Variants in CHL1 observed in about 807,000 individuals in gnomAD.
CHL1 encodes the protein cell adhesion molecule L1 like.
A neutral mutation model predicts 141.9 loss-of-function variants in CHL1; 96 were observed. The observed-to-expected ratio is 0.68, with a 90% CI of 0.57 to 0.80. The LOEUF is 0.80. CHL1 is among the 30% of genes least tolerant of loss of function. CHL1 has a pLI of 0.00. For missense variants in CHL1, 1,820 were observed against 1,457.2 expected (o/e 1.25, Z -4.05); for synonymous variants, 613 against 502.2 (o/e 1.22, Z -2.95).
intron 22 of CHL1, 151 bp downstream of exon 22, chr3:391,310 G>A: frequency 1.5e-6 from 1 of 652,636 alleles, no homozygotes; most frequent in Non-Finnish European, 2.7e-6. Flanking sequence ...GAAGTCAGGA[G>A]TTCCAAACCA....
chr3:200,989 AG>A (rs1356910989), intron 1 of CHL1, among the ~76,000 whole-genome samples: 1 of 152,224 alleles, frequency 6.6e-6, no homozygotes, highest in Non-Finnish European at 1.5e-5. Flanking sequence ...AGCACCACGT[AG>A]AGAATAATGA....
intron 14 of CHL1, 110 bp from the exon 15 acceptor site, chr3:365,840 A>G (rs1363405670): frequency 1.4e-6 from 1 of 717,072 alleles, no homozygotes; most frequent in South Asian, 2.0e-5. Context: ...CAAACCCTGC[A>G]TGAGGATTGG....
At chr3:324,274 T>C (rs1351348412) in intron 3 of CHL1, among the ~76,000 whole-genome samples, 1 of 152,140 alleles carries the variant, frequency 6.6e-6, no homozygotes, top group Non-Finnish European at 1.5e-5. Flanking sequence ...AGTACTTATT[T>C]AAGTTAGGCT....
At chr3:229,709 A>G (rs1414948271) in intron 1 of CHL1, among the ~76,000 whole-genome samples, 3 of 151,172 alleles carry the variant, frequency 2.0e-5, no homozygotes, top group Admixed American at 2.0e-4. Flanking sequence ...TTGAGGTTTC[A>G]GTGGAATCTT....
At position 234,756 on chromosome 3, in the gene CHL1, G is replaced by C. The variant is rs901474812; in HGVS notation, c.-174-9857G>C. Among the ~76,000 whole-genome samples the C allele has an allele frequency of 5.9e-5, 9 of 152,056 alleles. No homozygotes were observed. In the South Asian group the frequency reaches 1.2e-3, roughly 21 times the overall value. Reference sequence around the variant, plus strand: ...TATGTTTAGACAAGTTCCTATTTTGGGGACACAGGGCTCCCCATTCATGGG... The same window carrying C: ...TATGTTTAGACAAGTTCCTATTTTGCGGACACAGGGCTCCCCATTCATGGG... On this transcript the variant is annotated intron_variant, in intron 1 of 27. Coordinates refer to ENST00000256509, the MANE Select transcript of CHL1 (RefSeq NM_006614.4).
At chr3:302,521 T>C (rs933457296) in intron 2 of CHL1, among the ~76,000 whole-genome samples, 1 of 152,262 alleles carries the variant, frequency 6.6e-6, no homozygotes, top group Non-Finnish European at 1.5e-5. Flanking sequence ...TTTTCATATG[T>C]CTGTTGGCTG....
At chr3:380,895 T>A (rs1381143133) in intron 16 of CHL1, among the ~76,000 whole-genome samples, 2 of 152,210 alleles carry the variant, frequency 1.3e-5, no homozygotes, top group Non-Finnish European at 2.9e-5. Flanking sequence ...TGAGGCACTG[T>A]GGGCAATGCA....
chr3:288,791 T>C lies in CHL1; in HGVS notation c.-94-30892T>C, dbSNP rs566342743. 4.0e-4 allele frequency among the ~76,000 whole-genome samples: 61 copies of C among 152,344 alleles called. 1 individual carries two copies. The highest frequency in any genetic ancestry group is 3.9e-3 in the Admixed American group (60 of 15,308). ...TAAATCAGTGGGACCAGTAACACCA[T>C]CTTTATATAGTGAAGACAGCTTATC... On this transcript the variant is annotated intron_variant, in intron 2 of 27. Transcript: ENST00000256509.
At chr3:270,336 A>G (rs1695531227) in intron 2 of CHL1, among the ~76,000 whole-genome samples, 1 of 152,210 alleles carries the variant, frequency 6.6e-6, no homozygotes, top group African/African-American at 2.4e-5. Flanking sequence ...AGAGAACTCT[A>G]TGAGGCTTCA....
chr3:242,363 G>C (rs55861970), intron 1 of CHL1, among the ~76,000 whole-genome samples: 2 of 143,968 alleles, frequency 1.4e-5, no homozygotes, highest in Admixed American at 7.1e-5. Flanking sequence ...TTGGGAGGCT[G>C]AGGGGGGCAG....
chr3:307,071 G>A (rs1185762083), intron 2 of CHL1, among the ~76,000 whole-genome samples: 1 of 152,212 alleles, frequency 6.6e-6, no homozygotes, highest in East Asian at 1.9e-4. Flanking sequence ...AAAGTTTACC[G>A]CAGATAATAG....
intron 12 of CHL1, among the ~76,000 whole-genome samples, chr3:360,767 G>C (rs1704167436): frequency 1.9e-5 from 2 of 105,376 alleles, no homozygotes; most frequent in South Asian, 6.2e-4. Flanking sequence ...ACAGTCCCCA[G>C]AGTGTGATGT....
rs114391479 is a variant in CHL1, at chr3:398,889, T to G, written c.3254-128T>G. On this transcript the variant is annotated intron_variant, in intron 25 of 27. Transcript: ENST00000256509. ...TAACATGTCCTTCAAATTGCATTCC[T>G]TCTGGGGTCATTAAAAAAACTGATA... is the stretch of plus-strand genomic sequence containing the variant. 7.9e-4 allele frequency: 619 copies of G among 781,636 alleles called. 2 individuals carry two copies. In the African/African-American group the frequency reaches 9.3e-3, roughly 12 times the overall value. 48.4% of individuals were successfully genotyped at this position (781,636 alleles called of 1,614,324 possible).
chr3:317,512 C>G (rs747211010), intron 2 of CHL1, among the ~76,000 whole-genome samples: 2 of 151,684 alleles, frequency 1.3e-5, no homozygotes, highest in Non-Finnish European at 2.9e-5. Context: ...AAAGGCAACT[C>G]ATAAAACACA....
At chr3:294,384 T>C (rs1282991403) in intron 2 of CHL1, among the ~76,000 whole-genome samples, 2 of 152,186 alleles carry the variant, frequency 1.3e-5, no homozygotes, top group African/African-American at 2.4e-5. Context: ...TCTGAGTTCA[T>C]TGAGTTAACG....
At chr3:403,900 T>C (rs1315966884) in intron 27 of CHL1, among the ~76,000 whole-genome samples, 3 of 152,206 alleles carry the variant, frequency 2.0e-5, no homozygotes, top group Non-Finnish European at 2.9e-5. Flanking sequence ...GTTATTTTTC[T>C]TTATTCTTTG....
In CHL1 at chr3:409,272, A is replaced by G. The variant is rs1575326033; in HGVS notation, c.*3561A>G. ...TACCTTTTTCTTTTGGCTTGGATTA[A>G]TATTCATAGTAGAACTTTATAAAAC... is the stretch of plus-strand genomic sequence containing the variant. On this transcript the variant is annotated 3_prime_UTR_variant, in exon 28 of 28. Transcript: ENST00000256509. The G allele has an allele frequency of 6.6e-6, 1 of 152,102 alleles. No individual in the cohort carries two copies. The highest frequency in any genetic ancestry group is 1.9e-4 in the East Asian group (1 of 5,182). 9.4% of individuals were successfully genotyped at this position (152,102 alleles called of 1,614,324 possible). A position where few individuals can be genotyped will look rare whatever the true frequency, so the allele number is the denominator to read the frequency against.
At chr3:282,987 C>T (rs930763259) in intron 2 of CHL1, among the ~76,000 whole-genome samples, 1 of 152,144 alleles carries the variant, frequency 6.6e-6, no homozygotes, top group Non-Finnish European at 1.5e-5. Context: ...GCTTTTGGGG[C>T]ATCTGGTGGT....
intron 2 of CHL1, chr3:282,662 C>T (rs926887771): frequency 1.3e-5 from 2 of 152,194 alleles, no homozygotes; most frequent in African/African-American, 4.8e-5. Context: ...CTTTCTCCTT[C>T]AGCACATTGA....
Sources: allele counts gnomAD v4.1 joint callset (sites outside exome capture counted in the v4.1 genomes callset), GRCh38; gene constraint gnomAD v4.1.1; transcripts MANE v1.5; gene names NCBI Gene and HGNC (gene_info 2026-07-23, HGNC 2026-07-21).